Variants in RCAN2 observed in about 807,000 individuals in gnomAD.
RCAN2 encodes the protein regulator of calcineurin 2.
A neutral mutation model predicts 23.6 loss-of-function variants in RCAN2; 9 were observed. The observed-to-expected ratio is 0.38, with a 90% CI of 0.23 to 0.67. The LOEUF (loss-of-function observed/expected upper bound fraction) is 0.67, where lower values mean the gene tolerates loss of function less well. RCAN2 is among the 30% of genes least tolerant of loss of function. The probability of loss-of-function intolerance (pLI) is 0.51; values close to 1 mark genes in which losing one functional copy is unlikely to be tolerated. For missense variants in RCAN2, 273 were observed against 302.3 expected (o/e 0.90, Z 0.72); for synonymous variants, 109 against 115.7 (o/e 0.94, Z 0.37).
Position 46,250,495 on chromosome 6 carries a change from G to C in RCAN2, c.226-1599C>G, listed in dbSNP as rs144967023. Among the ~76,000 whole-genome samples the C allele has an allele frequency of 2.9e-3, 449 of 152,300 alleles. 2 individuals are homozygous for C. Among genetic ancestry groups the C allele is most frequent in the African/African-American group, 0.01 (424 of 41,560 alleles). On this transcript the variant is annotated intron_variant, in intron 2 of 4. Coordinates refer to ENST00000371374, the MANE Select transcript of RCAN2 (RefSeq NM_001251974.2). ...AAATATTAATACTGCAAGATTCATA[G>C]AATTTTAACTAGGAATGGACTTAAG...
chr6:46,299,648 A>G (rs1008847937), intron 2 of RCAN2, among the ~76,000 whole-genome samples: 2 of 152,032 alleles, frequency 1.3e-5, no homozygotes, highest in African/African-American at 4.8e-5. Context: ...TAAAAGTAGT[A>G]TTACCACTTA....
In RCAN2 at chr6:46,222,004, G is replaced by A. The variant is rs2150300224; in HGVS notation, c.*1137C>T. The A allele has an allele frequency of 2.5e-6, 1 of 398,506 alleles. No individual in the cohort carries two copies. Among genetic ancestry groups the A allele is most frequent in the Admixed American group, 4.4e-5 (1 of 22,734 alleles). 24.7% of individuals were successfully genotyped at this position (398,506 alleles called of 1,614,324 possible). On this transcript the variant is annotated 3_prime_UTR_variant, in exon 5 of 5. Coordinates refer to ENST00000371374, the MANE Select transcript of RCAN2 (RefSeq NM_001251974.2). ...CCCCATTTTAACATGCTCAGCTGCT[G>A]CTGCATTCTGGGGATTTAGCTTCAT...
intron 2 of RCAN2, among the ~76,000 whole-genome samples, chr6:46,333,344 T>C (rs1764044479): frequency 6.6e-6 from 1 of 152,242 alleles, no homozygotes; most frequent in Non-Finnish European, 1.5e-5. Context: ...GATCACACCA[T>C]AGTAATATGT....
chr6:46,459,035 T>C (rs929956329), intron 1 of RCAN2, among the ~76,000 whole-genome samples: 3 of 152,180 alleles, frequency 2.0e-5, no homozygotes, highest in Non-Finnish European at 1.5e-5. Flanking sequence ...GTAGCTGAGA[T>C]TACAGGCACG....
At chr6:46,432,531 T>C (rs1767243423) in intron 2 of RCAN2, among the ~76,000 whole-genome samples, 1 of 152,100 alleles carries the variant, frequency 6.6e-6, no homozygotes, top group Non-Finnish European at 1.5e-5. Flanking sequence ...GCTTTATATA[T>C]AAATATATAA....
At chr6:46,408,190 C>T (rs1249119006) in intron 2 of RCAN2, among the ~76,000 whole-genome samples, 1 of 152,168 alleles carries the variant, frequency 6.6e-6, no homozygotes, top group Non-Finnish European at 1.5e-5. Context: ...TTCGACAATG[C>T]TCCTATTACT....
intron 2 of RCAN2, among the ~76,000 whole-genome samples, chr6:46,427,558 A>T (rs960572750): frequency 6.6e-6 from 1 of 152,242 alleles, no homozygotes; most frequent in Admixed American, 6.5e-5. Context: ...GGCTTGGGGC[A>T]TAACAAGACT....
At chr6:46,441,275 T>C (rs1210686987) in intron 2 of RCAN2, among the ~76,000 whole-genome samples, 1 of 152,188 alleles carries the variant, frequency 6.6e-6, no homozygotes, top group Non-Finnish European at 1.5e-5. Flanking sequence ...CAAAGATATT[T>C]TTAAGTTGGC....
intron 2 of RCAN2, among the ~76,000 whole-genome samples, chr6:46,254,264 G>A (rs775930755): frequency 6.6e-6 from 1 of 152,178 alleles, no homozygotes; most frequent in Non-Finnish European, 1.5e-5. Flanking sequence ...GAACACTGCT[G>A]TACAACAGGA....
chr6:46,478,149 T>C (rs527460050), intron 1 of RCAN2, among the ~76,000 whole-genome samples: 33 of 152,302 alleles, frequency 2.2e-4, no homozygotes, highest in African/African-American at 7.7e-4. Flanking sequence ...CCAGTGATCA[T>C]TTTGCCCAAT....
chr6:46,431,294 C>G (rs777102893), intron 2 of RCAN2, among the ~76,000 whole-genome samples: 1 of 152,156 alleles, frequency 6.6e-6, no homozygotes, highest in Non-Finnish European at 1.5e-5. Flanking sequence ...CAGCCTCCAC[C>G]TTCTGGGCTC....
chr6:46,446,308 G>T (rs892420373), intron 2 of RCAN2, among the ~76,000 whole-genome samples: 1 of 147,356 alleles, frequency 6.8e-6, no homozygotes, highest in Non-Finnish European at 1.5e-5. Context: ...GTGTGTGGGT[G>T]GGGGTGCTGG....
At chr6:46,287,215 C>T (rs1762403229) in intron 2 of RCAN2, among the ~76,000 whole-genome samples, 1 of 152,168 alleles carries the variant, frequency 6.6e-6, no homozygotes, top group Non-Finnish European at 1.5e-5. Context: ...TTGACTTGTT[C>T]ACAGAGTGAC....
chr6:46,306,834 T>G (rs999587563), intron 2 of RCAN2, among the ~76,000 whole-genome samples: 1 of 152,102 alleles, frequency 6.6e-6, no homozygotes, highest in Non-Finnish European at 1.5e-5. Context: ...TAAGTCCCCT[T>G]GACCTGCCCT....
intron 4 of RCAN2, among the ~76,000 whole-genome samples, chr6:46,245,268 C>G (rs1446839007): frequency 6.6e-6 from 1 of 152,188 alleles, no homozygotes; most frequent in Non-Finnish European, 1.5e-5. Flanking sequence ...ACAAGGAAAC[C>G]TCCAGTGAGC....
At chr6:46,276,335 T>C (rs1767702278) in intron 2 of RCAN2, among the ~76,000 whole-genome samples, 1 of 152,184 alleles carries the variant, frequency 6.6e-6, no homozygotes, top group East Asian at 1.9e-4. Context: ...TCAGCAGCAG[T>C]GCCCATCATA....
chr6:46,404,828 T>C (rs562339544), intron 2 of RCAN2, among the ~76,000 whole-genome samples: 3 of 152,320 alleles, frequency 2.0e-5, no homozygotes, highest in South Asian at 2.1e-4. Flanking sequence ...TGGAAATCTA[T>C]AGGAAAAGCA....
chr6:46,360,196 A>C (rs1244433766), intron 2 of RCAN2, among the ~76,000 whole-genome samples: 1 of 152,056 alleles, frequency 6.6e-6, no homozygotes, highest in Non-Finnish European at 1.5e-5. Context: ...TGGTCCATGA[A>C]CCACGTTCTA....
chr6:46,367,704 T>C (rs867736532), intron 2 of RCAN2, among the ~76,000 whole-genome samples: 2 of 152,226 alleles, frequency 1.3e-5, no homozygotes, highest in African/African-American at 2.4e-5. Context: ...TAATTTTTCT[T>C]ATCTTTGAAA....
Sources: allele counts gnomAD v4.1 joint callset (sites outside exome capture counted in the v4.1 genomes callset), GRCh38; gene constraint gnomAD v4.1.1; transcripts MANE v1.5; gene names NCBI Gene and HGNC (gene_info 2026-07-23, HGNC 2026-07-21).